NELL2: variants seen among roughly 807,000 people sequenced by gnomAD.
The protein encoded by NELL2 is neural EGFL like 2.
Under a neutral mutation model 109.6 loss-of-function variants are expected in NELL2, and 41 were observed. That is an observed-to-expected ratio of 0.37 (90% CI 0.29 to 0.49). The LOEUF (loss-of-function observed/expected upper bound fraction) is 0.49, where lower values mean the gene tolerates loss of function less well. Among genes scored for constraint, NELL2 ranks in the 20% least tolerant of loss-of-function variants. The pLI, the probability that NELL2 is intolerant of heterozygous loss-of-function variation, is 0.98. For missense variants in NELL2, 900 were observed against 1,008.3 expected (o/e 0.89, Z 1.45); for synonymous variants, 355 against 344.7 (o/e 1.03, Z -0.33).
intron 13 of NELL2, among the ~76,000 whole-genome samples, chr12:44,626,044 T>C (rs1173737266): frequency 6.6e-6 from 1 of 152,164 alleles, no homozygotes; most frequent in Non-Finnish European, 1.5e-5. Context: ...AAAAATGTTT[T>C]CCCTATAAGT....
chr12:44,556,021 T>C (rs1943239883), intron 15 of NELL2, among the ~76,000 whole-genome samples: 1 of 152,172 alleles, frequency 6.6e-6, no homozygotes, highest in South Asian at 2.1e-4. Context: ...CAAGTACCAA[T>C]CTGGACTATT....
intron 13 of NELL2, among the ~76,000 whole-genome samples, chr12:44,634,396 C>T (rs931436347): frequency 6.6e-6 from 1 of 150,834 alleles, no homozygotes; most frequent in East Asian, 2.0e-4. Context: ...TTGTTCAACA[C>T]CCACTTATTA....
chr12:44,637,942 A>G (rs1159581237), intron 13 of NELL2, among the ~76,000 whole-genome samples: 2 of 151,980 alleles, frequency 1.3e-5, no homozygotes, highest in African/African-American at 4.8e-5. Flanking sequence ...CATTGGTCCA[A>G]CCTGTTTCAC....
At chr12:44,682,021 T>A (rs887476555) in intron 12 of NELL2, among the ~76,000 whole-genome samples, 5 of 151,754 alleles carry the variant, frequency 3.3e-5, no homozygotes, top group Non-Finnish European at 5.9e-5. Flanking sequence ...TGAACTAGTT[T>A]ACAGTCCCAC....
At chr12:44,761,237 G>A (rs531554515) in intron 9 of NELL2, among the ~76,000 whole-genome samples, 98 of 152,104 alleles carry the variant, frequency 6.4e-4, no homozygotes, top group African/African-American at 2.1e-3. Context: ...GCTGCATGCC[G>A]GTAATCCCAG....
intron 2 of NELL2, among the ~76,000 whole-genome samples, chr12:44,858,766 A>G (rs1944753939): frequency 6.6e-6 from 1 of 152,264 alleles, no homozygotes. Context: ...TCATGAAGTC[A>G]ATAAAAGCAA....
At chr12:44,611,137 G>A (rs1178856590) in intron 13 of NELL2, among the ~76,000 whole-genome samples, 167 bp from the exon 14 acceptor site, 1 of 151,986 alleles carries the variant, frequency 6.6e-6, no homozygotes, top group East Asian at 1.9e-4. Flanking sequence ...TACTCTTCTT[G>A]ATGTACATAC....
chr12:44,586,822 T>TC (rs1565973052), intron 15 of NELL2, among the ~76,000 whole-genome samples: 1 of 152,214 alleles, frequency 6.6e-6, no homozygotes, highest in Non-Finnish European at 1.5e-5. Context: ...AGGGCAACGA[T>TC]GTTGCCCAAT....
intron 15 of NELL2, among the ~76,000 whole-genome samples, chr12:44,541,779 T>C (rs1565897276): frequency 6.6e-6 from 1 of 152,226 alleles, no homozygotes; most frequent in Non-Finnish European, 1.5e-5. Context: ...GCAGCTATTG[T>C]TCTATGTAAT....
At position 44,913,348 on chromosome 12, in the gene NELL2, C is replaced by T. The variant is rs187738100; in HGVS notation, c.38+451G>A. ...AAAAAGTCAGGATATAAAAATGTAA[C>T]AGCAGGATGCAGAAATAAAGTTGAT... On this transcript the variant is annotated intron_variant, in intron 1 of 20. Coordinates refer to the NELL2 transcript ENST00000333837. Among the ~76,000 whole-genome samples the T allele has an allele frequency of 1.2e-4, 18 of 152,266 alleles. No individual in the cohort carries two copies. The East Asian group carries it at 3.1e-3, about 26-fold the overall frequency.
intron 12 of NELL2, among the ~76,000 whole-genome samples, chr12:44,670,755 A>G (rs1393610923): frequency 6.6e-6 from 1 of 152,042 alleles, no homozygotes; most frequent in Non-Finnish European, 1.5e-5. Context: ...AAGATACAAC[A>G]ATTGTAATTG....
At chr12:44,521,485 G>T (rs1428863457) in intron 18 of NELL2, among the ~76,000 whole-genome samples, 4 of 148,144 alleles carry the variant, frequency 2.7e-5, no homozygotes, top group Non-Finnish European at 5.9e-5. Flanking sequence ...AGCCGAGATG[G>T]TGCCACTGCA....
rs774629491 is a variant in NELL2, at chr12:44,875,213, C to G, written c.184+12G>C. On this transcript the variant is annotated intron_variant, in intron 2 of 19. Coordinates refer to ENST00000429094, the MANE Select transcript of NELL2 (RefSeq NM_001145108.2). The stretch of plus-strand genomic sequence containing the variant: ...CTGAAATCACAGTGGGGATGCAGCA[C>G]GCCGGGCATACCTTGAAAGAGAAAG... 7.5e-5 allele frequency: 120 copies of G among 1,604,840 alleles called. No homozygotes were observed. Among genetic ancestry groups the G allele is most frequent in the Admixed American group, 1.2e-4 (7 of 59,512 alleles).
chr12:44,651,896 G>A (rs12829709), intron 13 of NELL2, among the ~76,000 whole-genome samples: 1 of 152,102 alleles, frequency 6.6e-6, no homozygotes, highest in Non-Finnish European at 1.5e-5. Flanking sequence ...CTTCTAAGAA[G>A]GCTGTTACTA....
chr12:44,770,041 CATA>C (rs1283472235), intron 9 of NELL2, among the ~76,000 whole-genome samples: 2 of 152,238 alleles, frequency 1.3e-5, no homozygotes, highest in East Asian at 3.9e-4. Context: ...CCGTGCATTA[CATA>C]CTATTTGATC....
intron 3 of NELL2, among the ~76,000 whole-genome samples, chr12:44,780,532 T>C (rs1941919096): frequency 6.6e-6 from 1 of 151,760 alleles, no homozygotes; most frequent in Non-Finnish European, 1.5e-5. Flanking sequence ...CAGAATAGTG[T>C]CAGAGAAGGC....
intron 9 of NELL2, among the ~76,000 whole-genome samples, chr12:44,745,920 C>T (rs150944544): frequency 3.0e-4 from 45 of 150,052 alleles, no homozygotes; most frequent in Non-Finnish European, 3.1e-4. Context: ...CTACCAATGA[C>T]TTTCTTCACA....
chr12:44,536,925 G>A (rs1942314054), intron 15 of NELL2, among the ~76,000 whole-genome samples: 1 of 150,894 alleles, frequency 6.6e-6, no homozygotes, highest in Admixed American at 6.6e-5. Context: ...GAAAGGCACT[G>A]CTGAGGGTAG....
At chr12:44,597,225 C>T (rs1204895656) in intron 15 of NELL2, among the ~76,000 whole-genome samples, 1 of 152,152 alleles carries the variant, frequency 6.6e-6, no homozygotes, top group East Asian at 1.9e-4. Context: ...TTTAGCTCTT[C>T]ATGTATTTAA....
Sources: allele counts gnomAD v4.1 joint callset (sites outside exome capture counted in the v4.1 genomes callset), GRCh38; gene constraint gnomAD v4.1.1; transcripts MANE v1.5; gene names NCBI Gene and HGNC (gene_info 2026-07-23, HGNC 2026-07-21).